CNTNAP5: variants seen among roughly 807,000 people sequenced by gnomAD.
CNTNAP5 encodes contactin associated protein family member 5, also known as contactin-associated protein-like 5.
CNTNAP5 carries 72 observed loss-of-function variants against 150.2 expected under a neutral mutation model. The ratio of observed to expected loss-of-function variants is 0.48; its 90% CI spans 0.40 to 0.58. The LOEUF (loss-of-function observed/expected upper bound fraction) is 0.58, where lower values mean the gene tolerates loss of function less well. CNTNAP5 is among the 20% of genes least tolerant of loss of function. The pLI, the probability that CNTNAP5 is intolerant of heterozygous loss-of-function variation, is 0.00. For missense variants in CNTNAP5, 1,636 were observed against 1,626.2 expected, an observed-to-expected ratio of 1.01 and a Z score of -0.10; for synonymous variants, 672 against 619.8, an observed-to-expected ratio of 1.08 and a Z score of -1.25.
rs553167461 is a variant in CNTNAP5, at chr2:124,221,825, G to A, written c.187+16G>A. 2.2e-5 allele frequency: 34 copies of A among 1,523,188 alleles called. No individual in the cohort carries two copies. The East Asian group carries it at 7.5e-4, about 34-fold the overall frequency. The allele number at this position is 1,523,188 out of a possible 1,614,324, so 94.4% of individuals were successfully genotyped here. A position where few individuals can be genotyped will look rare whatever the true frequency, so the allele number is the denominator to read the frequency against. On this transcript the variant is annotated intron_variant, in intron 2 of 23. Coordinates refer to ENST00000682447, the MANE Select transcript of CNTNAP5 (RefSeq NM_001367498.1). ...TGGAGAGTTGGTAAGTAGGCTGACTGAAATCCTAATGCCAAGCACTAAATA... is the reference window on the plus strand; with the variant it reads ...TGGAGAGTTGGTAAGTAGGCTGACTAAAATCCTAATGCCAAGCACTAAATA...
intron 19 of CNTNAP5, among the ~76,000 whole-genome samples, chr2:124,803,843 C>T (rs1365306608): frequency 6.6e-6 from 1 of 152,208 alleles, no homozygotes; most frequent in Non-Finnish European, 1.5e-5. Context: ...AGAACATCCC[C>T]TGCCATTCCT....
At chr2:124,130,137 C>A (rs979319869) in intron 1 of CNTNAP5, among the ~76,000 whole-genome samples, 2 of 152,164 alleles carry the variant, frequency 1.3e-5, no homozygotes, top group Admixed American at 6.6e-5. Flanking sequence ...CTGAAAATTA[C>A]AAATTGCAAA....
chr2:124,137,595 C>A (rs182799035), intron 1 of CNTNAP5, among the ~76,000 whole-genome samples: 11 of 152,122 alleles, frequency 7.2e-5, no homozygotes, highest in Admixed American at 6.5e-4. Context: ...CTACTTTGGG[C>A]GCTTTAGGGG....
chr2:124,260,282 A>G (rs1176653865), intron 3 of CNTNAP5, among the ~76,000 whole-genome samples: 1 of 152,232 alleles, frequency 6.6e-6, no homozygotes, highest in Non-Finnish European at 1.5e-5. Context: ...TTCCCTGTTT[A>G]ATAAATGGTG....
intron 13 of CNTNAP5, among the ~76,000 whole-genome samples, chr2:124,662,882 GT>G (rs1318537315): frequency 1.3e-5 from 2 of 152,106 alleles, no homozygotes; most frequent in African/African-American, 2.4e-5. Flanking sequence ...CACTTTACAT[GT>G]TTTTTCTGGT....
chr2:124,217,075 T>C (rs987265389), intron 1 of CNTNAP5, among the ~76,000 whole-genome samples: 1 of 152,142 alleles, frequency 6.6e-6, no homozygotes, highest in Non-Finnish European at 1.5e-5. Flanking sequence ...GAAAAAGCTT[T>C]TAAAGATCTC....
At chr2:124,430,396 A>C (rs983457859) in intron 4 of CNTNAP5, among the ~76,000 whole-genome samples, 2 of 152,204 alleles carry the variant, frequency 1.3e-5, no homozygotes, top group Non-Finnish European at 2.9e-5. Context: ...GTGCAAAAAA[A>C]CATCTAGAGA....
chr2:124,719,546 C>T (rs1240479277), intron 13 of CNTNAP5, among the ~76,000 whole-genome samples: 2 of 152,114 alleles, frequency 1.3e-5, no homozygotes, highest in East Asian at 1.9e-4. Flanking sequence ...ATGATGCCTA[C>T]TTTTAATTTT....
At chr2:124,120,464 A>G (rs1019130525) in intron 1 of CNTNAP5, among the ~76,000 whole-genome samples, 1 of 152,230 alleles carries the variant, frequency 6.6e-6, no homozygotes, top group Admixed American at 6.5e-5. Context: ...CTGTCTTAAG[A>G]GATGAATAGA....
At position 124,242,301 on chromosome 2, in the gene CNTNAP5, T is replaced by C; in HGVS notation, c.289T>C (p.Tyr97His). 2 of 1,612,836 alleles carry C rather than the reference T, an allele frequency of 1.2e-6. No individual in the cohort carries two copies. Among genetic ancestry groups the C allele is most frequent in the African/African-American group, 1.3e-5 (1 of 74,988 alleles). The change falls in exon 3 of 24, where the codon TAC becomes CAC. Residue 97 changes from tyrosine (Y) to histidine (H), a missense_variant. Tyr to His is a moderately conservative substitution (Grantham distance 83). Transcript: ENST00000682447. Reference sequence around the variant, plus strand: ...TACAGCAGTGGCCACGCAGGGAAGATACGGAAGCTCTGACTGGGTGACGAG... The same window carrying C: ...TACAGCAGTGGCCACGCAGGGAAGACACGGAAGCTCTGACTGGGTGACGAG... ...EITAVATQGR[Y>H]GSSDWVTSYS...
intron 19 of CNTNAP5, among the ~76,000 whole-genome samples, chr2:124,825,417 C>T (rs1472724089): frequency 1.3e-5 from 2 of 152,194 alleles, no homozygotes; most frequent in African/African-American, 4.8e-5. Flanking sequence ...AACTGACTCT[C>T]CCTCAAGAAG....
intron 11 of CNTNAP5, among the ~76,000 whole-genome samples, chr2:124,576,128 G>T (rs1696276688): frequency 6.7e-6 from 1 of 148,198 alleles, no homozygotes; most frequent in Non-Finnish European, 1.5e-5. Context: ...TAGGATTTTT[G>T]GATGGCTGTA....
At chr2:124,105,776 T>A (rs1683159120) in intron 1 of CNTNAP5, among the ~76,000 whole-genome samples, 1 of 152,184 alleles carries the variant, frequency 6.6e-6, no homozygotes, top group Admixed American at 6.5e-5. Context: ...CTGGCTTTTA[T>A]ATTGATTTTA....
intron 5 of CNTNAP5, among the ~76,000 whole-genome samples, chr2:124,445,021 CTA>C (rs1692777984): frequency 6.6e-6 from 1 of 151,748 alleles, no homozygotes; most frequent in Non-Finnish European, 1.5e-5. Flanking sequence ...CCTTTAAACT[CTA>C]TGTCTCCTTA....
chr2:124,585,865 C>T (rs1696524799), intron 11 of CNTNAP5, among the ~76,000 whole-genome samples: 2 of 152,092 alleles, frequency 1.3e-5, no homozygotes, highest in South Asian at 2.1e-4. Context: ...TAATTAAAAC[C>T]TCCTTGGCTA....
intron 11 of CNTNAP5, among the ~76,000 whole-genome samples, chr2:124,582,682 T>C (rs965617201): frequency 6.6e-6 from 1 of 151,906 alleles, no homozygotes; most frequent in African/African-American, 2.4e-5. Flanking sequence ...ATTTATATAA[T>C]CCATGAAAGT....
intron 3 of CNTNAP5, among the ~76,000 whole-genome samples, chr2:124,377,006 CA>C (rs1690664950): frequency 6.6e-6 from 1 of 151,988 alleles, no homozygotes; most frequent in African/African-American, 2.4e-5. Context: ...GTGTTTGAAT[CA>C]AAGTAAGATT....
intron 11 of CNTNAP5, among the ~76,000 whole-genome samples, chr2:124,602,338 CAAAAAAAAAAAAA>C (rs35316532): frequency 1.1e-5 from 1 of 89,796 alleles, no homozygotes; most frequent in African/African-American, 4.4e-5. Flanking sequence ...AAGACTTCAC[CAAAAAAAAAAAAA>C]AAAAAAAAAG....
At chr2:124,562,367 C>T (rs1262094261) in intron 10 of CNTNAP5, among the ~76,000 whole-genome samples, 4 of 152,142 alleles carry the variant, frequency 2.6e-5, no homozygotes, top group Non-Finnish European at 5.9e-5. Context: ...TGTTTGTCCA[C>T]ATCATTTGTT....
Sources: allele counts gnomAD v4.1 joint callset (sites outside exome capture counted in the v4.1 genomes callset), GRCh38; gene constraint gnomAD v4.1.1; transcripts MANE v1.5; gene names NCBI Gene and HGNC (gene_info 2026-07-23, HGNC 2026-07-21).